Variants in DDX11 observed in about 807,000 individuals in gnomAD.
DDX11 encodes the protein DEAD/H-box helicase 11.
Under a neutral mutation model 125.2 loss-of-function variants are expected in DDX11, and 72 were observed. The observed-to-expected ratio is 0.58, with a 90% CI of 0.48 to 0.70. DDX11 has a LOEUF of 0.70. Ranked by LOEUF, DDX11 falls within the 30% of genes least tolerant of loss-of-function variation. DDX11 has a pLI of 0.00. For synonymous variants in DDX11, 347 were observed against 452.6 expected (o/e 0.77, Z 2.96); for missense variants, 883 against 1,165.0 (o/e 0.76, Z 3.52).
At chr12:31,100,961 C>T in intron 19 of DDX11, 66 bp from the exon 20 acceptor site, 6 of 1,412,198 alleles carry the variant, frequency 4.2e-6, no homozygotes, top group Non-Finnish European at 6.0e-6. Context: ...AGGGAAATGC[C>T]CTCTCTGCAG....
At chr12:31,097,063 A>C (rs1945383379) in intron 17 of DDX11, 73 bp downstream of exon 17, 1 of 1,593,234 alleles carries the variant, frequency 6.3e-7, no homozygotes. Flanking sequence ...CGCAGCGTGA[A>C]AGGATTCTTT....
At chr12:31,089,740 G>C in intron 8 of DDX11, 146 bp from the exon 9 acceptor site, 1 of 1,440,648 alleles carries the variant, frequency 6.9e-7, no homozygotes. Context: ...ACAGTGTTCC[G>C]ATGAGACCAC....
intron 2 of DDX11, among the ~76,000 whole-genome samples, chr12:31,082,497 C>T (rs977315442): frequency 8.5e-5 from 13 of 152,080 alleles, no homozygotes; most frequent in Admixed American, 7.2e-4. Flanking sequence ...ACTCCTGCGC[C>T]GCGCTGCTGC....
In DDX11 at chr12:31,096,843, G is replaced by T. The variant is rs372110755; in HGVS notation, c.1631-16G>T. The T allele has an allele frequency of 6.2e-7, 1 of 1,614,056 alleles. No individual in the cohort carries two copies. Among genetic ancestry groups the T allele is most frequent in the South Asian group, 1.1e-5 (1 of 91,086 alleles). ...CTGACCAGAGGGAGGCCTCCTCCCC[G>T]TTCTGCTCTGTGCAGCTCTTGCAGC... On this transcript the variant is annotated splice_polypyrimidine_tract_variant and intron_variant, in intron 16 of 26. Coordinates refer to ENST00000542838, the MANE Select transcript of DDX11 (RefSeq NM_030653.4).
chr12:31,092,836 C>G lies in DDX11; in HGVS notation c.1243-10C>G, dbSNP rs1327474958. Reference sequence around the variant, plus strand: ...GCTTGCTCAGAGCCTGGTTTGTGTTCTTTCCCCAGCTCTGCCAGGCCCATT... The same window carrying G: ...GCTTGCTCAGAGCCTGGTTTGTGTTGTTTCCCCAGCTCTGCCAGGCCCATT... On this transcript the variant is annotated splice_polypyrimidine_tract_variant and intron_variant, in intron 10 of 26. Coordinates refer to ENST00000542838, the MANE Select transcript of DDX11 (RefSeq NM_030653.4). 1.2e-6 allele frequency: 2 copies of G among 1,613,802 alleles called. No individual in the cohort carries two copies. The highest frequency in any genetic ancestry group is 1.7e-6 in the Non-Finnish European group (2 of 1,179,718).
At chr12:31,076,761 C>T (rs1050137161) in intron 1 of DDX11, 1 of 152,298 alleles carries the variant, frequency 6.6e-6, no homozygotes, top group African/African-American at 2.4e-5. Flanking sequence ...GTACATACCC[C>T]TCTCTCAGGA....
At chr12:31,077,009 A>T (rs939773093) in intron 1 of DDX11, 4 of 152,734 alleles carry the variant, frequency 2.6e-5, no homozygotes, top group Non-Finnish European at 4.4e-5. Flanking sequence ...ACCGAAGAGC[A>T]TCGTGGCAAC....
Position 31,103,880 on chromosome 12 carries a change from C to A in DDX11, c.*44C>A. On this transcript the variant is annotated 3_prime_UTR_variant, in exon 27 of 27. Transcript: ENST00000542838. Reference sequence around the variant, plus strand: ...CCTGGCGCCGTGCCCTTCCTTTGTCCTGCCCGCTGGAGACAGTGTTTGTCG... The same window carrying A: ...CCTGGCGCCGTGCCCTTCCTTTGTCATGCCCGCTGGAGACAGTGTTTGTCG... 1 of 1,613,942 alleles carries A rather than the reference C, an allele frequency of 6.2e-7. No individual in the cohort carries two copies. The highest frequency in any genetic ancestry group is 1.3e-5 in the African/African-American group (1 of 75,020).
intron 2 of DDX11, among the ~76,000 whole-genome samples, chr12:31,082,577 GC>G (rs1169060222): frequency 2.6e-5 from 4 of 152,136 alleles, no homozygotes; most frequent in Non-Finnish European, 4.4e-5. Flanking sequence ...GGTTCAGCAG[GC>G]TCAGAGAGCT....
chr12:31,103,253 G>A, intron 24 of DDX11, 64 bp from the exon 25 acceptor site: 2 of 1,577,442 alleles, frequency 1.3e-6, no homozygotes, highest in South Asian at 2.3e-5. Context: ...GCCTGGCAGG[G>A]TCTTTTCCCA....
intron 8 of DDX11, 186 bp from the exon 9 acceptor site, chr12:31,089,700 G>A (rs369620051): frequency 8.0e-6 from 10 of 1,247,424 alleles, no homozygotes; most frequent in East Asian, 5.1e-5. Context: ...GATTTTACGG[G>A]CTCTTTCTGG....
intron 14 of DDX11, among the ~76,000 whole-genome samples, chr12:31,095,900 C>T (rs1236301038): frequency 1.3e-5 from 2 of 152,198 alleles, no homozygotes; most frequent in East Asian, 3.9e-4. Context: ...TCTCTGCATC[C>T]CAAGCTAAGA....
intron 9 of DDX11, 87 bp from the exon 10 acceptor site, chr12:31,091,632 C>T (rs1250294572): frequency 6.4e-6 from 9 of 1,409,232 alleles, no homozygotes; most frequent in Non-Finnish European, 7.8e-6. Flanking sequence ...GAAATAGAAG[C>T]ACTCACATCA....
chr12:31,092,184 T>C (rs1944363606), intron 10 of DDX11, among the ~76,000 whole-genome samples: 1 of 152,042 alleles, frequency 6.6e-6, no homozygotes, highest in African/African-American at 2.4e-5. Flanking sequence ...CCCTCAGGAT[T>C]GGATTTTGTC....
intron 5 of DDX11, chr12:31,086,118 C>T (rs1358373622): frequency 2.2e-6 from 1 of 454,376 alleles, no homozygotes; most frequent in South Asian, 1.6e-5. Context: ...CTTCCTCTGT[C>T]CTGTCTGAGG....
At chr12:31,091,228 T>C (rs1179822938) in intron 9 of DDX11, 2 of 152,858 alleles carry the variant, frequency 1.3e-5, no homozygotes, top group African/African-American at 2.4e-5. Context: ...TTTATTTTTG[T>C]TACCCCAGCT....
chr12:31,096,680 G>A lies in DDX11; in HGVS notation c.1565G>A (p.Arg522Gln), dbSNP rs144315069. The A allele has an allele frequency of 1.1e-4, 175 of 1,613,882 alleles. No individual in the cohort carries two copies. The highest frequency in any genetic ancestry group is 6.3e-4 in the Admixed American group (38 of 59,988). Residue 522 changes from arginine to glutamine, a missense_variant, in exon 16 of 27, where the codon CGG (arginine) becomes CAG (glutamine). Coordinates refer to ENST00000542838, the MANE Select transcript of DDX11 (RefSeq NM_030653.4). ...TERYGAVFSS[R>Q]EQPKLAGFQQ... ...CGGTACGGAGCAGTGTTCTCATCCC[G>A]GGAGCAGCCCAAACTGGCTGGGTTT... is the stretch of plus-strand genomic sequence containing the variant.
intron 1 of DDX11, among the ~76,000 whole-genome samples, chr12:31,076,416 A>G (rs191581002): frequency 1.3e-5 from 2 of 152,180 alleles, no homozygotes; most frequent in African/African-American, 4.8e-5. Flanking sequence ...TTTCCCAGAT[A>G]GTTTCAATTC....
chr12:31,086,166 C>T lies in DDX11; in HGVS notation c.638+1040C>T, dbSNP rs530485403. On this transcript the variant is annotated intron_variant, in intron 5 of 26. Transcript: ENST00000542838. ...AACGTGCTGTGGCCAAACACCCTGC[C>T]CTCCTCCCTTGGCAGATGTCTTCCT... is the stretch of plus-strand genomic sequence containing the variant. The T allele has an allele frequency of 7.3e-3, 3,330 of 453,306 alleles. 24 individuals are homozygous for T. The highest frequency in any genetic ancestry group is 0.011 in the Non-Finnish European group (2,595 of 226,088). 28.1% of individuals were successfully genotyped at this position (453,306 alleles called of 1,614,324 possible). A position where few individuals can be genotyped will look rare whatever the true frequency, so the allele number is the denominator to read the frequency against.
Sources: allele counts gnomAD v4.1 joint callset (sites outside exome capture counted in the v4.1 genomes callset), GRCh38; gene constraint gnomAD v4.1.1; transcripts MANE v1.5; gene names NCBI Gene and HGNC (gene_info 2026-07-23, HGNC 2026-07-21).